UBAP1: variants seen among roughly 807,000 people sequenced by gnomAD.
The protein encoded by UBAP1 is ubiquitin-associated protein 1.
In UBAP1, 5 loss-of-function variants were observed where a neutral mutation model predicts 39.0. That is an observed-to-expected ratio of 0.13 (90% confidence interval 0.07 to 0.27). The LOEUF is 0.27. UBAP1 is among the 10% of genes least tolerant of loss of function. The probability of loss-of-function intolerance (pLI) is 1.00; values close to 1 mark genes in which losing one functional copy is unlikely to be tolerated. For missense variants in UBAP1, 490 were observed against 608.1 expected (o/e 0.81, Z 2.04); for synonymous variants, 211 against 225.1 (o/e 0.94, Z 0.56).
At chr9:34,218,345 G>A (rs1832463143) in intron 1 of UBAP1, among the ~76,000 whole-genome samples, 1 of 146,388 alleles carries the variant, frequency 6.8e-6, no homozygotes, top group African/African-American at 2.5e-5. Flanking sequence ...AACATTCCTG[G>A]TGTCAGCATA....
intron 1 of UBAP1, among the ~76,000 whole-genome samples, chr9:34,208,804 T>G (rs1466695789): frequency 1.5e-4 from 21 of 141,328 alleles, no homozygotes; most frequent in African/African-American, 3.9e-4. Context: ...ATTAGCTGGG[T>G]GTGGTGGTGG....
At chr9:34,231,785 C>G (rs1446551371) in intron 2 of UBAP1, among the ~76,000 whole-genome samples, 1 of 152,124 alleles carries the variant, frequency 6.6e-6, no homozygotes, top group African/African-American at 2.4e-5. Context: ...GCTGGGACTA[C>G]AGGCGCCCCC....
intron 3 of UBAP1, among the ~76,000 whole-genome samples, chr9:34,240,013 T>G (rs1179053737): frequency 6.6e-6 from 1 of 152,206 alleles, no homozygotes; most frequent in Non-Finnish European, 1.5e-5. Context: ...TCCAATTTTT[T>G]TAAAATAAAA....
Position 34,249,836 on chromosome 9 carries a change from G to T in UBAP1, c.1141G>T (p.Ala381Ser). ...GCCCAACATGCCCAGCTGTCCCCAG[G>T]CCTATTCTGAACTGCAGATGCTGTC... The part of the protein sequence containing the change: ...QVPNMPSCPQ[A>S]YSELQMLSPS... Residue 381 changes from alanine to serine, a missense_variant, in exon 5 of 7, where the codon GCC (alanine) becomes TCC (serine). Coordinates refer to ENST00000297661, the MANE Select transcript of UBAP1 (RefSeq NM_016525.5). 1 of 1,614,178 alleles carries T rather than the reference G, an allele frequency of 6.2e-7. No individual in the cohort carries two copies. Among genetic ancestry groups the T allele is most frequent in the South Asian group, 1.1e-5 (1 of 91,080 alleles).
chr9:34,205,057 T>G (rs1831608937), intron 1 of UBAP1, among the ~76,000 whole-genome samples: 1 of 152,066 alleles, frequency 6.6e-6, no homozygotes, highest in South Asian at 2.1e-4. Flanking sequence ...AGAGTGAGAG[T>G]GCAGGCTGGA....
chr9:34,182,643 CTTTCTTTCTTTCTTTCTTTCTTTCTT>C lies in UBAP1; in HGVS notation c.-8+3405_-8+3430del, dbSNP rs1235780926. On this transcript the variant is annotated intron_variant, in intron 1 of 6. Transcript: ENST00000297661. ...TCTTTCTTTCTTTCTTTCTTTCTTT[CTTTCTTTCTTTCTTTCTTTCTTTCTT>C]TCTTTCTTTCTTTCTCTCTCTCTTT... Among the ~76,000 whole-genome samples, 83 of 91,926 alleles carry C rather than the reference CTTTCTTTCTTTCTTTCTTTCTTTCTT, an allele frequency of 9.0e-4. 1 individual carries two copies. The highest frequency in any genetic ancestry group is 4.0e-3 in the East Asian group (16 of 3,974). The allele number at this position is 91,926 out of a possible 152,430, so 60.3% of individuals were successfully genotyped here. A position where few individuals can be genotyped will look rare whatever the true frequency, so the allele number is the denominator to read the frequency against.
chr9:34,238,959 A>G (rs561794679), intron 3 of UBAP1, among the ~76,000 whole-genome samples: 14 of 152,350 alleles, frequency 9.2e-5, no homozygotes, highest in Admixed American at 5.9e-4. Flanking sequence ...CACTGTGCTC[A>G]TAGCACCCAC....
intron 1 of UBAP1, among the ~76,000 whole-genome samples, chr9:34,187,196 C>G (rs749562810): frequency 6.6e-6 from 1 of 152,240 alleles, no homozygotes; most frequent in African/African-American, 2.4e-5. Flanking sequence ...GCGTGAGCCA[C>G]TGCGCCCGGC....
intron 3 of UBAP1, among the ~76,000 whole-genome samples, chr9:34,239,330 A>G (rs1454810597): frequency 6.6e-6 from 1 of 152,236 alleles, no homozygotes; most frequent in Non-Finnish European, 1.5e-5. Flanking sequence ...TGTCTGGCCT[A>G]CAAAGCAGCC....
At chr9:34,202,397 G>T (rs530222899) in intron 1 of UBAP1, among the ~76,000 whole-genome samples, 23 of 152,074 alleles carry the variant, frequency 1.5e-4, no homozygotes, top group Non-Finnish European at 2.8e-4. Flanking sequence ...CTCCCAAAAT[G>T]CTGGGATTGT....
chr9:34,249,506 C>T (rs530612615), intron 4 of UBAP1, among the ~76,000 whole-genome samples: 32 of 152,258 alleles, frequency 2.1e-4, no homozygotes, highest in African/African-American at 7.0e-4. Flanking sequence ...CGTGTTGTGG[C>T]GCTTTCTCAA....
In UBAP1 at chr9:34,241,322, T is replaced by A. The variant is rs200899491; in HGVS notation, c.297T>A (p.Asp99Glu). The A allele has an allele frequency of 1.3e-6, 2 of 1,516,564 alleles. No individual in the cohort carries two copies. Among genetic ancestry groups the A allele is most frequent in the East Asian group, 2.3e-5 (1 of 44,066 alleles). 93.9% of individuals were successfully genotyped at this position (1,516,564 alleles called of 1,614,324 possible). ...ATTCTAAGAGTGGCCCAGAGGGCGA[T>A]AGCAAAATGAGCTTCTCCAAGACTC... ...KVNSKSGPEG[D>E]SKMSFSKTHS... Residue 99 changes from aspartate to glutamate, a missense_variant, in exon 4 of 7, where the codon GAT becomes GAA. Coordinates refer to ENST00000297661, the MANE Select transcript of UBAP1 (RefSeq NM_016525.5).
chr9:34,216,642 ATTT>A (rs57204146), intron 1 of UBAP1, among the ~76,000 whole-genome samples: 118 of 70,186 alleles, frequency 1.7e-3, no homozygotes, highest in Non-Finnish European at 2.3e-3. Flanking sequence ...CACCATGCTA[ATTT>A]TTTTTTTTTT....
intron 2 of UBAP1, among the ~76,000 whole-genome samples, chr9:34,222,481 A>T (rs2131583892): frequency 6.6e-6 from 1 of 152,246 alleles, no homozygotes; most frequent in East Asian, 1.9e-4. Context: ...TCTTAAAAGT[A>T]TTCAAATGAT....
Position 34,241,029 on chromosome 9 carries a change from G to A in UBAP1, c.160-156G>A, listed in dbSNP as rs115413432. 7.8e-3 allele frequency among the ~76,000 whole-genome samples: 1,193 copies of A among 152,294 alleles called. 19 individuals are homozygous for A. The highest frequency in any genetic ancestry group is 0.027 in the African/African-American group (1,121 of 41,552). ...GTTAAATCTTACAAGGACATTGGAA[G>A]CCTTACTCTTTTTAAGTGGGGATCA... On this transcript the variant is annotated intron_variant, in intron 3 of 6. Transcript: ENST00000297661.
chr9:34,230,605 TAGAA>T (rs1238847736), intron 2 of UBAP1, among the ~76,000 whole-genome samples: 3 of 152,300 alleles, frequency 2.0e-5, no homozygotes, highest in African/African-American at 4.8e-5. Context: ...TCTTTAAAAT[TAGAA>T]AGAGCTTTTG....
intron 2 of UBAP1, among the ~76,000 whole-genome samples, chr9:34,222,473 T>C (rs1457330061): frequency 6.6e-6 from 1 of 152,136 alleles, no homozygotes; most frequent in Non-Finnish European, 1.5e-5. Context: ...ACAGGTCTTC[T>C]TAAAAGTATT....
At position 34,251,372 on chromosome 9, in the gene UBAP1, T is replaced by C; in HGVS notation, c.1369-20T>C. The C allele has an allele frequency of 6.2e-7, 1 of 1,613,576 alleles. No individual in the cohort carries two copies. Among genetic ancestry groups the C allele is most frequent in the Non-Finnish European group, 8.5e-7 (1 of 1,179,724 alleles). ...TGACCCCACCCTTTTCTTTAATCTG[T>C]GTTCTCTTCTCTCCCTTAGATGATG... On this transcript the variant is annotated intron_variant, in intron 6 of 6. Coordinates refer to ENST00000297661, the MANE Select transcript of UBAP1 (RefSeq NM_016525.5).
At chr9:34,194,112 A>G (rs1401603804) in intron 1 of UBAP1, among the ~76,000 whole-genome samples, 3 of 152,218 alleles carry the variant, frequency 2.0e-5, no homozygotes, top group Non-Finnish European at 4.4e-5. Flanking sequence ...AATATATTTT[A>G]CTGATGTATA....
Sources: gnomAD v4.1 joint callset for allele counts (sites outside exome capture counted in the v4.1 genomes callset) on GRCh38, gnomAD v4.1.1 for gene constraint, MANE v1.5 for transcripts, NCBI Gene and HGNC (gene_info 2026-07-23, HGNC 2026-07-21) for gene names.